The following OGDH variants were observed in gnomAD, a reference collection of about 807,000 sequenced individuals.
OGDH encodes the protein 2-oxoglutarate dehydrogenase complex component E1.
OGDH carries 38 observed loss-of-function variants against 116.6 expected under a neutral mutation model. The observed-to-expected ratio is 0.33, with a 90% confidence interval of 0.25 to 0.43. The LOEUF is 0.43. OGDH is among the 20% of genes least tolerant of loss of function. The probability of loss-of-function intolerance (pLI) is 1.00; values close to 1 mark genes in which losing one functional copy is unlikely to be tolerated. For missense variants in OGDH, 825 were observed against 1,357.2 expected (o/e 0.61, Z 6.16); for synonymous variants, 488 against 533.3 (o/e 0.92, Z 1.17).
chr7:44,696,346 TC>T, intron 13 of OGDH, 82 bp from the exon 14 acceptor site: 1 of 1,521,106 alleles, frequency 6.6e-7, no homozygotes, highest in South Asian at 1.2e-5. Flanking sequence ...ACCCTGCTTC[TC>T]CCCAAAATCA....
At chr7:44,629,328 G>A (rs537531484) in intron 2 of OGDH, among the ~76,000 whole-genome samples, 7 of 152,292 alleles carry the variant, frequency 4.6e-5, no homozygotes, top group African/African-American at 1.7e-4. Context: ...AGGTCCTGAG[G>A]GAGTGGAAGG....
intron 4 of OGDH, among the ~76,000 whole-genome samples, chr7:44,658,177 T>C (rs1483869764): frequency 5.9e-5 from 9 of 152,140 alleles, no homozygotes. Flanking sequence ...GGCTTAAACC[T>C]ATAGATCCAT....
Position 44,675,856 on chromosome 7 carries a change from A to G in OGDH, c.1027-114A>G, listed in dbSNP as rs973142211. Reference sequence around the variant, plus strand: ...CGCGCCATTGCACTCCAACCTGGGCAACAAGAGCGAAACTCCATCTCAAAA... The same window carrying G: ...CGCGCCATTGCACTCCAACCTGGGCGACAAGAGCGAAACTCCATCTCAAAA... On this transcript the variant is annotated intron_variant, in intron 8 of 22. Transcript: ENST00000222673. 3.5e-5 allele frequency: 39 copies of G among 1,100,778 alleles called. No individual in the cohort carries two copies. In the African/African-American group the frequency reaches 5.7e-4, roughly 16 times the overall value. The allele number at this position is 1,100,778 out of a possible 1,614,324, so 68.2% of individuals were successfully genotyped here.
chr7:44,658,428 G>C (rs1003153848), intron 4 of OGDH, among the ~76,000 whole-genome samples: 19 of 147,576 alleles, frequency 1.3e-4, no homozygotes, highest in Admixed American at 4.0e-4. Flanking sequence ...TGCATTCTGA[G>C]ATCCCGATGA....
Position 44,707,447 on chromosome 7 carries a change from T to A in OGDH, c.2796+59T>A. ...CAGCGGGGGTCAGGGCTCTGGTGCC[T>A]TCACAGAACAGCCTTGCTTGGGGTG... On this transcript the variant is annotated intron_variant, in intron 21 of 22. Transcript: ENST00000222673. The surrounding 1 kb of genome is among the most constrained non-coding windows in gnomAD (Gnocchi z 5.2). 1 of 1,605,304 alleles carries A rather than the reference T, an allele frequency of 6.2e-7. No homozygotes were observed. The highest frequency in any genetic ancestry group is 8.5e-7 in the Non-Finnish European group (1 of 1,175,044).
chr7:44,628,317 T>C (rs1407089027), intron 2 of OGDH, among the ~76,000 whole-genome samples: 3 of 152,208 alleles, frequency 2.0e-5, no homozygotes, highest in Non-Finnish European at 4.4e-5. Context: ...TGTTTAAATA[T>C]TTACTCTTCT....
chr7:44,671,701 G>A (rs1211498193), intron 5 of OGDH, among the ~76,000 whole-genome samples: 2 of 150,480 alleles, frequency 1.3e-5, no homozygotes, highest in African/African-American at 2.5e-5. Flanking sequence ...CCGGGAGGCG[G>A]AGGTTGCAGT....
chr7:44,627,727 C>T (rs1785263747), intron 2 of OGDH, among the ~76,000 whole-genome samples: 1 of 152,044 alleles, frequency 6.6e-6, no homozygotes, highest in Admixed American at 6.6e-5. Context: ...ACCCAGGCTG[C>T]AGTGCAGTGA....
chr7:44,675,157 C>T (rs762203018), intron 7 of OGDH, 21 bp from the exon 8 acceptor site: 37 of 1,605,158 alleles, frequency 2.3e-5, no homozygotes, highest in Non-Finnish European at 3.1e-5. Context: ...TCTGCTCACC[C>T]TACTCGCCCA....
intron 10 of OGDH, among the ~76,000 whole-genome samples, chr7:44,688,265 C>G (rs1788217179): frequency 6.6e-6 from 1 of 151,510 alleles, no homozygotes; most frequent in African/African-American, 2.4e-5. Context: ...CAGCTACTCT[C>G]GAAGCTGCAG....
At chr7:44,705,210 G>A (rs934999545) in intron 20 of OGDH, among the ~76,000 whole-genome samples, 6 of 146,884 alleles carry the variant, frequency 4.1e-5, no homozygotes, top group South Asian at 2.2e-4. Context: ...CCGCCACTAC[G>A]CCCAGCTAAT....
chr7:44,671,064 C>G (rs967836183), intron 5 of OGDH, among the ~76,000 whole-genome samples: 1 of 150,982 alleles, frequency 6.6e-6, no homozygotes, highest in Non-Finnish European at 1.5e-5. Flanking sequence ...TTGGGGTTGT[C>G]TTAGTCCATT....
intron 7 of OGDH, 156 bp downstream of exon 7, chr7:44,674,713 G>C (rs1228555916): frequency 5.1e-6 from 4 of 785,278 alleles, no homozygotes; most frequent in Admixed American, 2.8e-5. Context: ...TGCTTTGCAG[G>C]GGATTCTCAC....
At chr7:44,633,234 C>G (rs1785519075) in intron 2 of OGDH, among the ~76,000 whole-genome samples, 1 of 118,278 alleles carries the variant, frequency 8.5e-6, no homozygotes, top group African/African-American at 3.3e-5. Flanking sequence ...GCCTGGGCAA[C>G]AGAGCGAGAC....
At chr7:44,667,630 G>C (rs534752005) in intron 5 of OGDH, among the ~76,000 whole-genome samples, 1 of 152,276 alleles carries the variant, frequency 6.6e-6, no homozygotes, top group East Asian at 1.9e-4. Context: ...TCTGCTGTTA[G>C]GCTACCTGTG....
At chr7:44,613,251 C>T (rs1254074820) in intron 1 of OGDH, among the ~76,000 whole-genome samples, 1 of 152,184 alleles carries the variant, frequency 6.6e-6, no homozygotes, top group Non-Finnish European at 1.5e-5. Flanking sequence ...TCTCGGCTCA[C>T]TGCAACCTCT....
At chr7:44,611,687 A>C (rs2117213936) in intron 1 of OGDH, among the ~76,000 whole-genome samples, 1 of 152,292 alleles carries the variant, frequency 6.6e-6, no homozygotes, top group Non-Finnish European at 1.5e-5. Flanking sequence ...CCAGGATTAC[A>C]GGCGTGAGCC....
rs1786073693 is a variant in OGDH, at chr7:44,644,225, TTTAA to T, written c.223-1099_223-1096del. Reference sequence around the variant, plus strand: ...TCAAAAAAATTAAAATAAACTGATGTTTAATTGTGCTTTTCTTTTCTTTTTACAA... The same window carrying T: ...TCAAAAAAATTAAAATAAACTGATGTTTGTGCTTTTCTTTTCTTTTTACAA... On this transcript the variant is annotated intron_variant, in intron 2 of 22. Transcript: ENST00000222673. Among the ~76,000 whole-genome samples, 3 of 152,252 alleles carry T rather than the reference TTTAA, an allele frequency of 2.0e-5. No homozygotes were observed. In the South Asian group the frequency reaches 6.2e-4, roughly 32 times the overall value.
rs182198184 is a variant in OGDH at position 44,686,063 on chromosome 7, T to C, written c.1335+4215T>C. Among the ~76,000 whole-genome samples, 5 of 152,218 alleles carry C rather than the reference T, an allele frequency of 3.3e-5. No homozygotes were observed. The East Asian group carries it at 9.6e-4, about 29-fold the overall frequency. ...CTTTCTTTCTTTTTTTTTTTGAGGATTCTTTCTGGATGGACAGTCATGTGA... is the reference window on the plus strand; with the variant it reads ...CTTTCTTTCTTTTTTTTTTTGAGGACTCTTTCTGGATGGACAGTCATGTGA... On this transcript the variant is annotated intron_variant, in intron 10 of 22. Coordinates refer to ENST00000222673, the MANE Select transcript of OGDH (RefSeq NM_002541.4).
Sources: allele counts gnomAD v4.1 joint callset (sites outside exome capture counted in the v4.1 genomes callset), GRCh38; gene constraint gnomAD v4.1.1; non-coding constraint Gnocchi (gnomAD v3.1); transcripts MANE v1.5; gene names NCBI Gene and HGNC (gene_info 2026-07-23, HGNC 2026-07-21).